Variants in C19orf47 observed in about 807,000 individuals in gnomAD.
The protein encoded by C19orf47 is chromosome 19 open reading frame 47.
A neutral mutation model predicts 32.3 loss-of-function variants in C19orf47; 18 were observed. The observed-to-expected ratio is 0.56, with a 90% CI of 0.39 to 0.83. C19orf47 has a LOEUF of 0.83. C19orf47 is among the 40% of genes least tolerant of loss of function. C19orf47 has a pLI of 0.00. For missense variants in C19orf47, 484 were observed against 531.6 expected (o/e 0.91, Z 0.88); for synonymous variants, 202 against 211.1 (o/e 0.96, Z 0.37).
chr19:40,303,646 TA>T, the C19orf47 span, among the ~76,000 whole-genome samples: 1 of 149,520 alleles, frequency 6.7e-6, no homozygotes, highest in African/African-American at 2.5e-5. Context: ...CTACTAAAAA[TA>T]CAAAAAATTA....
intron 1 of C19orf47, among the ~76,000 whole-genome samples, chr19:40,345,848 C>CAAAA (rs35848570): frequency 2.7e-5 from 2 of 75,224 alleles, no homozygotes; most frequent in African/African-American, 1.2e-4. Flanking sequence ...GACTCAGTCT[C>CAAAA]AAAAAAAAAA....
chr19:40,346,495 T>A (rs368574175), intron 1 of C19orf47, among the ~76,000 whole-genome samples: 9 of 131,882 alleles, frequency 6.8e-5, no homozygotes, highest in Non-Finnish European at 1.4e-4. Flanking sequence ...ATAATAAAAA[T>A]AAAAAAACAC....
Position 40,336,449 on chromosome 19 carries a change from T to C in C19orf47, c.20-42A>G, listed in dbSNP as rs868823445. ...GGCTCATTACTCACACTGTCCTCTTTAGAGAATAGCATTAGCAAAACCACA... is the reference window on the plus strand; with the variant it reads ...GGCTCATTACTCACACTGTCCTCTTCAGAGAATAGCATTAGCAAAACCACA... On this transcript the variant is annotated intron_variant, in intron 2 of 8. Coordinates refer to ENST00000683109, the MANE Select transcript of C19orf47 (RefSeq NM_001256441.2). 3.2e-6 allele frequency: 5 copies of C among 1,548,598 alleles called. No homozygotes were observed. The Middle Eastern group carries it at 8.4e-4, about 260-fold the overall frequency.
intron 8 of C19orf47, 150 bp downstream of exon 8, chr19:40,323,856 G>T: frequency 1.1e-6 from 1 of 944,304 alleles, no homozygotes; most frequent in Non-Finnish European, 1.7e-6. Flanking sequence ...AGATGGGAAA[G>T]CCGCCAGTGC....
intron 5 of C19orf47, among the ~76,000 whole-genome samples, chr19:40,330,826 ACATTT>A (rs1377608769): frequency 2.0e-5 from 3 of 152,160 alleles, no homozygotes; most frequent in African/African-American, 7.2e-5. Flanking sequence ...ACCCAGCTGA[ACATTT>A]CATTTATAAA....
the C19orf47 span, among the ~76,000 whole-genome samples, chr19:40,294,959 G>A: frequency 2.0e-5 from 3 of 152,248 alleles, no homozygotes; most frequent in East Asian, 1.9e-4. Flanking sequence ...GGGTCAGTGA[G>A]TGTCATGAGA....
At chr19:40,296,480 C>T in the C19orf47 span, among the ~76,000 whole-genome samples, 5 of 151,432 alleles carry the variant, frequency 3.3e-5, no homozygotes, top group African/African-American at 1.2e-4. Flanking sequence ...TGGGGTTTCG[C>T]CACATTGACC....
At chr19:40,333,559 TC>T (rs1188587605) in intron 5 of C19orf47, among the ~76,000 whole-genome samples, 1 of 152,170 alleles carries the variant, frequency 6.6e-6, no homozygotes, top group Non-Finnish European at 1.5e-5. Context: ...ACCTAGTATT[TC>T]CCATAGGAGC....
chr19:40,331,800 G>A (rs1251801906), intron 5 of C19orf47, among the ~76,000 whole-genome samples: 1 of 152,150 alleles, frequency 6.6e-6, no homozygotes, highest in Admixed American at 6.6e-5. Flanking sequence ...ACTTTGGGGG[G>A]CCAAGGTGGG....
intron 8 of C19orf47, among the ~76,000 whole-genome samples, chr19:40,323,593 C>G (rs2077766338): frequency 6.6e-6 from 1 of 152,196 alleles, no homozygotes; most frequent in South Asian, 2.1e-4. Flanking sequence ...TCCATGGTAA[C>G]TGTGCGAGAC....
At chr19:40,341,473 C>G (rs1381108057) in intron 2 of C19orf47, among the ~76,000 whole-genome samples, 1 of 152,170 alleles carries the variant, frequency 6.6e-6, no homozygotes, top group Non-Finnish European at 1.5e-5. Flanking sequence ...AATAACAACA[C>G]CTAAGGTTTG....
chr19:40,322,380 T>C lies in C19orf47; in HGVS notation c.664-4A>G, dbSNP rs1568604171. On this transcript the variant is annotated splice_polypyrimidine_tract_variant and splice_region_variant and intron_variant, in intron 8 of 8. Coordinates refer to ENST00000683109, the MANE Select transcript of C19orf47 (RefSeq NM_001256441.2). ...GGCGGCTGAAGACTCCTGTGGGCTG[T>C]GGAGGTCAGAGACAGGATGAATGAG... The C allele has an allele frequency of 6.4e-7, 1 of 1,569,106 alleles. No homozygotes were observed. Among genetic ancestry groups the C allele is most frequent in the South Asian group, 1.2e-5 (1 of 86,136 alleles).
chr19:40,301,353 A>ATTTATTTAT, the C19orf47 span, among the ~76,000 whole-genome samples: 1 of 147,498 alleles, frequency 6.8e-6, no homozygotes, highest in African/African-American at 2.5e-5. Context: ...TTATTTATTT[A>ATTTATTTAT]TTCTTGAGAC....
At position 40,348,348 on chromosome 19, in the gene C19orf47, T is replaced by G. The variant is rs2078374070; in HGVS notation, c.-58A>C. ...CCTGGCCCACCGGGCCCGCGCCCAC[T>G]CGCGCCGCCCGCCCTCCCTCCCGGC... On this transcript the variant is annotated 5_prime_UTR_variant, in exon 1 of 9. Transcript: ENST00000683109. 7.6e-7 allele frequency: 1 copy of G among 1,309,620 alleles called. No homozygotes were observed. Among genetic ancestry groups the G allele is most frequent in the Non-Finnish European group, 9.8e-7 (1 of 1,023,454 alleles). 81.1% of individuals were successfully genotyped at this position (1,309,620 alleles called of 1,614,324 possible).
Position 40,321,923 on chromosome 19 carries a change from T to A in C19orf47, c.1117A>T (p.Thr373Ser). The change falls in exon 9 of 9, where the codon ACT becomes TCT. Residue 373 changes from threonine (T) to serine (S), a missense_variant. This residue lies in a region of C19orf47 where 51 missense variants were observed against 74.5 expected (regional missense o/e 0.68). Coordinates refer to ENST00000683109, the MANE Select transcript of C19orf47 (RefSeq NM_001256441.2). ...GLGAQMDHAGTVSVFKRLGRR... is the reference protein window; with the variant it reads ...GLGAQMDHAGSVSVFKRLGRR... The stretch of plus-strand genomic sequence containing the variant: ...CCCAGTCTTTTGAACACGCTCACAG[T>A]GCCCGCGTGGTCCATCTGGGCACCA... 6.2e-7 allele frequency: 1 copy of A among 1,612,874 alleles called. No homozygotes were observed.
At chr19:40,311,654 C>T in the C19orf47 span, among the ~76,000 whole-genome samples, 1 of 152,170 alleles carries the variant, frequency 6.6e-6, no homozygotes, top group African/African-American at 2.4e-5. Context: ...CGGAGTCCCT[C>T]ACATGATGCA....
chr19:40,331,401 G>T (rs2077950493), intron 5 of C19orf47, among the ~76,000 whole-genome samples: 1 of 152,240 alleles, frequency 6.6e-6, no homozygotes. Flanking sequence ...CAACCTAGCT[G>T]CCAGGTGACC....
At chr19:40,306,592 G>A in the C19orf47 span, among the ~76,000 whole-genome samples, 1 of 151,510 alleles carries the variant, frequency 6.6e-6, no homozygotes, top group East Asian at 2.0e-4. Context: ...TAATAGAGAC[G>A]GGATTTCACC....
chr19:40,293,380 A>C, the C19orf47 span, among the ~76,000 whole-genome samples: 2 of 152,054 alleles, frequency 1.3e-5, no homozygotes, highest in Admixed American at 6.6e-5. Context: ...TCCTGACCTC[A>C]AGTGATCCGC....
Sources: allele counts gnomAD v4.1 joint callset (sites outside exome capture counted in the v4.1 genomes callset), GRCh38; gene constraint gnomAD v4.1.1; regional missense constraint gnomAD v4.1.1; transcripts MANE v1.5; gene names NCBI Gene and HGNC (gene_info 2026-07-23, HGNC 2026-07-21).